LINGO2: variants seen among roughly 807,000 people sequenced by gnomAD.
The protein encoded by LINGO2 is leucine-rich repeat and immunoglobulin-like domain-containing nogo receptor-interacting protein 2.
LINGO2 carries 14 observed loss-of-function variants against 30.6 expected under a neutral mutation model. The ratio of observed to expected loss-of-function variants is 0.46; its 90% CI spans 0.30 to 0.72. The LOEUF (loss-of-function observed/expected upper bound fraction) is 0.72, where lower values mean the gene tolerates loss of function less well. LINGO2 is among the 30% of genes least tolerant of loss of function. The pLI is 0.07. For synonymous variants in LINGO2, 317 were observed against 288.5 expected (o/e 1.10, Z -1.00); for missense variants, 729 against 751.7 (o/e 0.97, Z 0.35).
chr9:28,107,816 A>T (rs1407648620), intron 4 of LINGO2, among the ~76,000 whole-genome samples: 7 of 152,120 alleles, frequency 4.6e-5, no homozygotes, highest in Non-Finnish European at 1.0e-4. Flanking sequence ...GATATAAAAC[A>T]CCTCATATGC....
At chr9:28,915,774 T>TA in the LINGO2 span, among the ~76,000 whole-genome samples, 1 of 152,092 alleles carries the variant, frequency 6.6e-6, no homozygotes, top group Non-Finnish European at 1.5e-5. Flanking sequence ...CCAAGATAAA[T>TA]AAGATATGTA....
intron 1 of LINGO2, among the ~76,000 whole-genome samples, chr9:28,597,791 G>C (rs1157470416): frequency 6.6e-6 from 1 of 152,186 alleles, no homozygotes; most frequent in Non-Finnish European, 1.5e-5. Context: ...TTGAGACAGA[G>C]TCTCATTCTG....
At chr9:27,964,256 T>G (rs1286050632) in intron 5 of LINGO2, among the ~76,000 whole-genome samples, 2 of 152,084 alleles carry the variant, frequency 1.3e-5, no homozygotes, top group Non-Finnish European at 2.9e-5. Flanking sequence ...AACATATTTT[T>G]TTCTAAAAGT....
chr9:28,350,331 G>A (rs191357873), intron 3 of LINGO2, among the ~76,000 whole-genome samples: 40,038 of 129,952 alleles, frequency 0.31, 7,186 homozygotes, highest in Non-Finnish European at 0.41. Flanking sequence ...GAAAACAAAA[G>A]AAGGCAGGGG....
chr9:28,306,372 G>A (rs1324725776), intron 3 of LINGO2, among the ~76,000 whole-genome samples: 1 of 152,306 alleles, frequency 6.6e-6, no homozygotes, highest in East Asian at 1.9e-4. Context: ...GATGTTCTTT[G>A]AAACCTACGA....
chr9:28,941,064 G>T, the LINGO2 span, among the ~76,000 whole-genome samples: 1 of 151,756 alleles, frequency 6.6e-6, no homozygotes, highest in African/African-American at 2.4e-5. Context: ...GAGGAAGAAA[G>T]AAATGAAGGA....
chr9:28,888,620 C>T, the LINGO2 span, among the ~76,000 whole-genome samples: 38 of 152,084 alleles, frequency 2.5e-4, no homozygotes, highest in African/African-American at 8.2e-4. Flanking sequence ...TGTAGAATGT[C>T]TGCTGAGTTT....
chr9:29,094,896 C>T, the LINGO2 span, among the ~76,000 whole-genome samples: 1 of 138,558 alleles, frequency 7.2e-6, no homozygotes, highest in African/African-American at 2.7e-5. Flanking sequence ...ATTTTATATT[C>T]TTTTAGGTAT....
At chr9:27,991,192 C>G (rs12003459) in intron 5 of LINGO2, among the ~76,000 whole-genome samples, 7 of 151,936 alleles carry the variant, frequency 4.6e-5, no homozygotes, top group Admixed American at 4.6e-4. Context: ...GGTACTCACA[C>G]TACTACATAA....
the LINGO2 span, among the ~76,000 whole-genome samples, chr9:28,863,372 C>A: frequency 6.6e-6 from 1 of 151,484 alleles, no homozygotes; most frequent in East Asian, 1.9e-4. Flanking sequence ...AATTACTTTT[C>A]AAAAAAAGAA....
At chr9:28,369,433 C>G (rs981709561) in intron 3 of LINGO2, among the ~76,000 whole-genome samples, 1 of 152,164 alleles carries the variant, frequency 6.6e-6, no homozygotes, top group Admixed American at 6.5e-5. Context: ...ATTGCTATAA[C>G]CACTACACGT....
intron 4 of LINGO2, among the ~76,000 whole-genome samples, chr9:28,170,828 A>T (rs567811653): frequency 6.6e-6 from 1 of 152,114 alleles, no homozygotes; most frequent in Non-Finnish European, 1.5e-5. Context: ...TCCCTTTACT[A>T]ACACCCTGGG....
At position 27,999,436 on chromosome 9, in the gene LINGO2, CAGAGAGAGAGAGAG is replaced by C. The variant is rs36216761; in HGVS notation, c.-36+12905_-36+12918del. Among the ~76,000 whole-genome samples, 1,315 of 143,772 alleles carry C rather than the reference CAGAGAGAGAGAGAG, an allele frequency of 9.1e-3. 8 individuals are homozygous for C. Among genetic ancestry groups the C allele is most frequent in the African/African-American group, 0.024 (914 of 38,754 alleles). 94.3% of individuals were successfully genotyped at this position (143,772 alleles called of 152,430 possible). On this transcript the variant is annotated intron_variant, in intron 5 of 5. Coordinates refer to ENST00000379992, the Ensembl canonical transcript of LINGO2. ...CGACTTAATCACAGTGCCTAATCTT[CAGAGAGAGAGAGAG>C]AGAGAGAGAGAGAGAGAGAGAGTCT...
the LINGO2 span, among the ~76,000 whole-genome samples, chr9:29,204,509 T>C: frequency 6.6e-6 from 1 of 152,124 alleles, no homozygotes; most frequent in South Asian, 2.1e-4. Context: ...ACAAAAGAGG[T>C]ACCCAATAAA....
the LINGO2 span, among the ~76,000 whole-genome samples, chr9:29,170,548 A>G: frequency 6.6e-6 from 1 of 152,148 alleles, no homozygotes; most frequent in African/African-American, 2.4e-5. Flanking sequence ...TATGCTATAT[A>G]TCTATATAAC....
At chr9:28,930,529 G>T in the LINGO2 span, among the ~76,000 whole-genome samples, 2 of 152,156 alleles carry the variant, frequency 1.3e-5, no homozygotes, top group African/African-American at 4.8e-5. The surrounding 1 kb of genome is among the most constrained non-coding windows in gnomAD (Gnocchi z 4.2). Flanking sequence ...CAAAGGATTG[G>T]ATATCAGAAC....
chr9:28,675,934 C>T, the LINGO2 span, among the ~76,000 whole-genome samples: 3,407 of 134,966 alleles, frequency 0.025, 145 homozygotes, highest in African/African-American at 0.085. Context: ...TACATACACA[C>T]ACACACACAC....
At chr9:28,230,195 T>C (rs1398155166) in intron 4 of LINGO2, among the ~76,000 whole-genome samples, 1 of 151,796 alleles carries the variant, frequency 6.6e-6, no homozygotes, top group Admixed American at 6.6e-5. Context: ...GGATAAAAAA[T>C]ACTATATGTG....
At chr9:29,189,707 T>G in the LINGO2 span, among the ~76,000 whole-genome samples, 1 of 152,092 alleles carries the variant, frequency 6.6e-6, no homozygotes, top group African/African-American at 2.4e-5. Context: ...GCCACTGCAC[T>G]CCAGCCTGGG....
Sources: gnomAD v4.1 joint callset for allele counts (sites outside exome capture counted in the v4.1 genomes callset) on GRCh38, gnomAD v4.1.1 for gene constraint, Gnocchi (gnomAD v3.1) non-coding constraint, MANE v1.5 for transcripts, NCBI Gene and HGNC (gene_info 2026-07-23, HGNC 2026-07-21) for gene names.